The following SMG6 variants were observed in gnomAD, a reference collection of about 807,000 sequenced individuals.
SMG6 encodes the protein telomerase-binding protein EST1A.
A neutral mutation model predicts 142.2 loss-of-function variants in SMG6; 66 were observed. The observed-to-expected ratio is 0.46, with a 90% CI of 0.38 to 0.57. The LOEUF (loss-of-function observed/expected upper bound fraction) is 0.57. Among genes scored for constraint, SMG6 ranks in the 20% least tolerant of loss-of-function variants. The pLI is 0.00. For missense variants in SMG6, 1,793 were observed against 1,832.0 expected (o/e 0.98, Z 0.39); for synonymous variants, 779 against 702.4 (o/e 1.11, Z -1.72).
At position 2,303,781 on chromosome 17, in the gene SMG6, AC is replaced by A; in HGVS notation, c.-62del. The A allele has an allele frequency of 1.5e-6, 2 of 1,363,260 alleles. No individual in the cohort carries two copies. Among genetic ancestry groups the A allele is most frequent in the Non-Finnish European group, 9.7e-7 (1 of 1,027,206 alleles). The allele number at this position is 1,363,260 out of a possible 1,614,324, so 84.4% of individuals were successfully genotyped here. On this transcript the variant is annotated 5_prime_UTR_variant, in exon 1 of 19. Transcript: ENST00000263073. ...CACCGCCGCGCGCAGCCAGGAAACC[AC>A]CACAGACGGGCGGCGCGCGCGCTCG...
intron 13 of SMG6, among the ~76,000 whole-genome samples, chr17:2,110,009 G>T (rs1010891950): frequency 2.0e-5 from 3 of 150,854 alleles, no homozygotes; most frequent in African/African-American, 7.3e-5. Flanking sequence ...CTTGAACCCG[G>T]AGGCAGAGGT....
At chr17:2,208,192 G>A (rs1348135129) in intron 10 of SMG6, among the ~76,000 whole-genome samples, 1 of 152,084 alleles carries the variant, frequency 6.6e-6, no homozygotes, top group Non-Finnish European at 1.5e-5. Context: ...ACAGTCAAGA[G>A]ACAAAATAGC....
chr17:2,138,744 T>G (rs1194681825), intron 13 of SMG6, among the ~76,000 whole-genome samples: 9 of 152,238 alleles, frequency 5.9e-5, no homozygotes, highest in Non-Finnish European at 1.3e-4. Flanking sequence ...CAGTTACATA[T>G]TCATGTCCAC....
At chr17:2,173,024 G>C (rs1288496196) in intron 12 of SMG6, 165 bp from the exon 13 acceptor site, 1 of 658,448 alleles carries the variant, frequency 1.5e-6, no homozygotes, top group African/African-American at 1.8e-5. Context: ...CTGTGCCCAA[G>C]GCAGCAATCT....
intron 13 of SMG6, among the ~76,000 whole-genome samples, chr17:2,113,002 C>T (rs2069386163): frequency 6.6e-6 from 1 of 152,146 alleles, no homozygotes; most frequent in African/African-American, 2.4e-5. Flanking sequence ...AAGTGATCTA[C>T]TGGCCTCAGC....
At chr17:2,241,504 T>G (rs560961000) in intron 9 of SMG6, among the ~76,000 whole-genome samples, 1 of 152,344 alleles carries the variant, frequency 6.6e-6, no homozygotes, top group South Asian at 2.1e-4. Flanking sequence ...TTTTTCAAAA[T>G]TAATTTTTCC....
chr17:2,249,844 G>A (rs2074009058), intron 8 of SMG6, among the ~76,000 whole-genome samples: 1 of 152,158 alleles, frequency 6.6e-6, no homozygotes, highest in South Asian at 2.1e-4. Flanking sequence ...CAAATTCACT[G>A]TGGACTCCTG....
chr17:2,186,809 G>A lies in SMG6; in HGVS notation c.3009C>T (p.Asp1003=). 2 of 1,614,158 alleles carry A rather than the reference G, an allele frequency of 1.2e-6. No individual in the cohort carries two copies. Among genetic ancestry groups the A allele is most frequent in the Non-Finnish European group, 1.7e-6 (2 of 1,180,020 alleles). ...SAKAQLSSPE[D]QDDQDDIKVS... ...CCTTGATGTCGTCTTGGTCATCCTGGTCCTCAGGAGAGGACAGCTGAGCTG... is the reference window on the plus strand; with the variant it reads ...CCTTGATGTCGTCTTGGTCATCCTGATCCTCAGGAGAGGACAGCTGAGCTG... The change falls in exon 12 of 19, where the codon GAC becomes GAT. Residue 1003 remains aspartate (D), a synonymous_variant. Coordinates refer to ENST00000263073, the MANE Select transcript of SMG6 (RefSeq NM_017575.5).
At chr17:2,189,016 G>A (rs2072079693) in intron 10 of SMG6, among the ~76,000 whole-genome samples, 1 of 152,120 alleles carries the variant, frequency 6.6e-6, no homozygotes, top group African/African-American at 2.4e-5. Flanking sequence ...CCAACCTTTA[G>A]TCCCATCCTT....
chr17:2,158,414 T>C (rs764730325), intron 13 of SMG6, among the ~76,000 whole-genome samples: 4 of 152,188 alleles, frequency 2.6e-5, no homozygotes, highest in Non-Finnish European at 5.9e-5. Context: ...TATTATTTCA[T>C]CTGGTTATTT....
chr17:2,290,102 T>C (rs2074999012), intron 6 of SMG6, among the ~76,000 whole-genome samples: 2 of 152,074 alleles, frequency 1.3e-5, no homozygotes, highest in Non-Finnish European at 2.9e-5. Flanking sequence ...TAATACTCAC[T>C]AGGTTTGTGG....
At chr17:2,235,977 C>G (rs117944276) in intron 10 of SMG6, 1 of 152,122 alleles carries the variant, frequency 6.6e-6, no homozygotes, top group African/African-American at 2.4e-5. Context: ...TTTTGTGCTT[C>G]CAGATTTGAG....
At chr17:2,125,042 A>C (rs2069827013) in intron 13 of SMG6, among the ~76,000 whole-genome samples, 1 of 152,114 alleles carries the variant, frequency 6.6e-6, no homozygotes, top group East Asian at 1.9e-4. Context: ...CATTTGGGGC[A>C]CTATGGTCTC....
intron 15 of SMG6, among the ~76,000 whole-genome samples, chr17:2,078,721 G>A (rs1044100007): frequency 4.6e-5 from 7 of 152,166 alleles, no homozygotes; most frequent in African/African-American, 1.7e-4. Context: ...AGACTAAGGA[G>A]TAAAAGGAAG....
chr17:2,209,525 G>A (rs538853107), intron 10 of SMG6, among the ~76,000 whole-genome samples: 10 of 152,066 alleles, frequency 6.6e-5, no homozygotes, highest in East Asian at 1.9e-4. Context: ...ACCACGCCCC[G>A]GCTAACTTTT....
At chr17:2,262,686 A>C (rs1029252940) in intron 8 of SMG6, among the ~76,000 whole-genome samples, 1 of 152,182 alleles carries the variant, frequency 6.6e-6, no homozygotes, top group Non-Finnish European at 1.5e-5. Context: ...TCCAGTGTAT[A>C]TATTTCTATT....
chr17:2,087,265 A>T, intron 13 of SMG6: 1 of 1,283,710 alleles, frequency 7.8e-7, no homozygotes, highest in Non-Finnish European at 1.0e-6. Flanking sequence ...TGGGTACCAC[A>T]GAGAGCAGAT....
chr17:2,150,940 G>A (rs1032942091), intron 13 of SMG6, among the ~76,000 whole-genome samples: 1 of 151,728 alleles, frequency 6.6e-6, no homozygotes, highest in Non-Finnish European at 1.5e-5. Flanking sequence ...ACCTCTACCT[G>A]TACATCTGTT....
At chr17:2,278,621 C>T (rs967599356) in intron 8 of SMG6, among the ~76,000 whole-genome samples, 7 of 152,112 alleles carry the variant, frequency 4.6e-5, no homozygotes, top group African/African-American at 1.2e-4. Context: ...AGTATTGGAA[C>T]GAGTGATCAT....
Sources: gnomAD v4.1 joint callset for allele counts (sites outside exome capture counted in the v4.1 genomes callset) on GRCh38, gnomAD v4.1.1 for gene constraint, MANE v1.5 for transcripts, NCBI Gene and HGNC (gene_info 2026-07-23, HGNC 2026-07-21) for gene names.